The following MGAT4C variants were observed in gnomAD, a reference collection of about 807,000 sequenced individuals.
MGAT4C encodes the protein alpha-1,3-mannosyl-glycoprotein 4-beta-N-acetylglucosaminyltransferase C.
In MGAT4C, 19 loss-of-function variants were observed where a neutral mutation model predicts 40.1. The ratio of observed to expected loss-of-function variants is 0.47; its 90% CI spans 0.33 to 0.70. The LOEUF (loss-of-function observed/expected upper bound fraction) is 0.70, where lower values mean the gene tolerates loss of function less well. Among genes scored for constraint, MGAT4C ranks in the 30% least tolerant of loss-of-function variants. The probability of loss-of-function intolerance (pLI) is 0.02; values close to 1 mark genes in which losing one functional copy is unlikely to be tolerated. For synonymous variants in MGAT4C, 181 were observed against 187.1 expected, an observed-to-expected ratio of 0.97 and a Z score of 0.27; for missense variants, 491 against 563.2, an observed-to-expected ratio of 0.87 and a Z score of 1.30.
intron 3 of MGAT4C, among the ~76,000 whole-genome samples, chr12:86,416,847 T>C (rs1011451650): frequency 6.6e-6 from 1 of 152,160 alleles, no homozygotes. Context: ...AGGGTCTTCA[T>C]TGCAGATATA....
At chr12:86,075,219 G>C (rs1050473354) in intron 1 of MGAT4C, among the ~76,000 whole-genome samples, 2 of 152,150 alleles carry the variant, frequency 1.3e-5, no homozygotes, top group African/African-American at 4.8e-5. Context: ...GGAGAAATTG[G>C]CCAACGCCAA....
At chr12:86,114,788 GC>G (rs908976189) in intron 1 of MGAT4C, among the ~76,000 whole-genome samples, 24 of 151,556 alleles carry the variant, frequency 1.6e-4, no homozygotes, top group Non-Finnish European at 2.9e-4. Context: ...TCTTCCAACC[GC>G]CCCCCGGCCT....
At chr12:86,487,679 T>C (rs1958046075) in intron 2 of MGAT4C, among the ~76,000 whole-genome samples, 1 of 152,218 alleles carries the variant, frequency 6.6e-6, no homozygotes, top group Non-Finnish European at 1.5e-5. Flanking sequence ...TTGACTTTTA[T>C]GCCATTTGAA....
chr12:86,222,438 A>C (rs1593274513), intron 1 of MGAT4C, among the ~76,000 whole-genome samples: 1 of 152,298 alleles, frequency 6.6e-6, no homozygotes, highest in East Asian at 1.9e-4. Context: ...TATTTTCCTG[A>C]CATTGAACGA....
intron 2 of MGAT4C, among the ~76,000 whole-genome samples, chr12:86,649,236 C>A (rs1239673496): frequency 6.6e-6 from 1 of 151,680 alleles, no homozygotes. Context: ...AATCTATAAG[C>A]TTCAGGGAAT....
At chr12:86,039,570 T>A (rs1891598758) in intron 2 of MGAT4C, among the ~76,000 whole-genome samples, 1 of 152,224 alleles carries the variant, frequency 6.6e-6, no homozygotes, top group Non-Finnish European at 1.5e-5. Context: ...TTCAGCTCCA[T>A]CAGGTCTTTT....
Position 85,963,391 on chromosome 12 carries a change from G to A in MGAT4C, c.*15898C>T, listed in dbSNP as rs1883209301. On this transcript the variant is annotated 3_prime_UTR_variant, in exon 5 of 5. Coordinates refer to ENST00000611864, the MANE Select transcript of MGAT4C (RefSeq NM_001351288.2). ...GGTCCTGAAACTTTTTGATAATGAT[G>A]AAAGCACAGAGATGCTATCAAGAAA... 6.6e-6 allele frequency: 1 copy of A among 151,750 alleles called. No individual in the cohort carries two copies. Among genetic ancestry groups the A allele is most frequent in the South Asian group, 2.1e-4 (1 of 4,826 alleles). The allele number at this position is 151,750 out of a possible 1,614,324, so 9.4% of individuals were successfully genotyped here.
At chr12:86,702,233 A>G (rs1376513089) in intron 2 of MGAT4C, among the ~76,000 whole-genome samples, 1 of 146,918 alleles carries the variant, frequency 6.8e-6, no homozygotes, top group Non-Finnish European at 1.5e-5. Flanking sequence ...TCAGAGATGT[A>G]GTATTACTAT....
chr12:86,170,044 C>T (rs1389296), intron 1 of MGAT4C, among the ~76,000 whole-genome samples: 11,089 of 152,198 alleles, frequency 0.073, 573 homozygotes, highest in Middle Eastern at 0.22. Flanking sequence ...CTTCCAACAA[C>T]CAGTATATGA....
intron 1 of MGAT4C, among the ~76,000 whole-genome samples, chr12:86,093,490 A>G (rs1873270132): frequency 6.6e-6 from 1 of 152,000 alleles, no homozygotes; most frequent in South Asian, 2.1e-4. Context: ...GCACTTTGGG[A>G]GGCCGAGGCA....
chr12:86,605,249 T>C (rs1358809174), intron 2 of MGAT4C, among the ~76,000 whole-genome samples: 1 of 152,066 alleles, frequency 6.6e-6, no homozygotes, highest in Non-Finnish European at 1.5e-5. Context: ...TCTTGTATAA[T>C]TGCTTCCTAA....
intron 2 of MGAT4C, among the ~76,000 whole-genome samples, chr12:86,667,788 T>G (rs1964153042): frequency 6.6e-6 from 1 of 152,226 alleles, no homozygotes; most frequent in Non-Finnish European, 1.5e-5. Context: ...TCTTTCTTAG[T>G]TTGCAGGTTG....
intron 2 of MGAT4C, among the ~76,000 whole-genome samples, chr12:86,553,067 T>C (rs569778329): frequency 6.6e-6 from 1 of 152,116 alleles, no homozygotes; most frequent in Non-Finnish European, 1.5e-5. Flanking sequence ...TCATACTACC[T>C]AGGTAAGTAT....
Position 86,820,561 on chromosome 12 carries a change from G to A in MGAT4C, c.-262+18105C>T, listed in dbSNP as rs1952687824. Among the ~76,000 whole-genome samples the A allele has an allele frequency of 2.0e-5, 3 of 150,574 alleles. No individual in the cohort carries two copies. In the South Asian group the frequency reaches 6.2e-4, roughly 31 times the overall value. On this transcript the variant is annotated intron_variant, in intron 1 of 7. Transcript: ENST00000548651. ...TAAGAAGAAGAATCACAGTATATGT[G>A]GATAGCCCTAATAATCATGATCAAT... is the stretch of plus-strand genomic sequence containing the variant.
At chr12:86,593,961 C>G (rs1961432055) in intron 2 of MGAT4C, among the ~76,000 whole-genome samples, 1 of 152,134 alleles carries the variant, frequency 6.6e-6, no homozygotes, top group African/African-American at 2.4e-5. Context: ...AACTGAAAAT[C>G]TGATAGATAA....
At position 86,410,488 on chromosome 12, in the gene MGAT4C, C is replaced by T. The variant is rs192881794; in HGVS notation, c.-120+24669G>A. 8.1e-4 allele frequency among the ~76,000 whole-genome samples: 124 copies of T among 152,202 alleles called. 1 individual carries two copies. The South Asian group carries it at 0.011, about 13-fold the overall frequency. On this transcript the variant is annotated intron_variant, in intron 3 of 7. Coordinates refer to the MGAT4C transcript ENST00000548651. ...AGAAAAAATATGGCTCTATTCTGCC[C>T]GACCACACAGGCGGTCAGACCTTTG...
At chr12:86,161,154 A>G (rs839123) in intron 1 of MGAT4C, among the ~76,000 whole-genome samples, 121,969 of 151,998 alleles carry the variant, frequency 0.8, 49,432 homozygotes, top group East Asian at 1. Flanking sequence ...ATTAGAAAAA[A>G]TGATTCCAAA....
At chr12:86,639,081 T>C (rs1254461813) in intron 2 of MGAT4C, among the ~76,000 whole-genome samples, 1 of 151,784 alleles carries the variant, frequency 6.6e-6, no homozygotes, top group Non-Finnish European at 1.5e-5. Flanking sequence ...TTGGCCCTTT[T>C]TATACTCAGT....
chr12:86,402,711 G>A (rs760051658), intron 3 of MGAT4C, among the ~76,000 whole-genome samples: 20 of 151,916 alleles, frequency 1.3e-4, no homozygotes, highest in Non-Finnish European at 2.4e-4. Flanking sequence ...CTAACATATA[G>A]TAGGCACTGG....
Sources: allele counts gnomAD v4.1 joint callset (sites outside exome capture counted in the v4.1 genomes callset), GRCh38; gene constraint gnomAD v4.1.1; transcripts MANE v1.5; gene names NCBI Gene and HGNC (gene_info 2026-07-23, HGNC 2026-07-21).